Variants in DIAPH2 observed in about 807,000 individuals in gnomAD.
DIAPH2 encodes protein diaphanous homolog 2.
Under a neutral mutation model 92.7 loss-of-function variants are expected in DIAPH2, and 35 were observed. The ratio of observed to expected loss-of-function variants is 0.38; its 90% CI spans 0.29 to 0.50. The LOEUF (loss-of-function observed/expected upper bound fraction) is 0.50, where lower values mean the gene tolerates loss of function less well. DIAPH2 is among the 20% of genes least tolerant of loss of function. DIAPH2 has a pLI of 0.94. For synonymous variants in DIAPH2, 301 were observed against 280.4 expected, an observed-to-expected ratio of 1.07 and a Z score of -0.73; for missense variants, 701 against 819.5, an observed-to-expected ratio of 0.86 and a Z score of 1.77.
chrX:97,549,421 C>A (rs1173221638), intron 26 of DIAPH2, among the ~76,000 whole-genome samples: 1 of 111,554 alleles, frequency 9.0e-6, no homozygotes, highest in Non-Finnish European at 1.9e-5. Context: ...CCCAGATTCC[C>A]CAAATATTAA....
intron 23 of DIAPH2, among the ~76,000 whole-genome samples, chrX:97,332,996 A>T (rs749774131): frequency 8.9e-6 from 1 of 112,193 alleles, no homozygotes; most frequent in Non-Finnish European, 1.9e-5. Flanking sequence ...TTGTAGTAAA[A>T]TCATCCTTTA....
chrX:97,555,468 A>G, intron 26 of DIAPH2: 1 of 743,236 alleles, frequency 1.3e-6, no homozygotes, highest in Non-Finnish European at 1.6e-6. Flanking sequence ...CTAGCTGCAA[A>G]GGTGAGAGTT....
At chrX:97,539,098 T>C (rs1479175089) in intron 26 of DIAPH2, among the ~76,000 whole-genome samples, 1 of 112,111 alleles carries the variant, frequency 8.9e-6, no homozygotes, top group Non-Finnish European at 1.9e-5. Flanking sequence ...ACTGGTTTTG[T>C]AACCCGATCA....
chrX:97,430,963 A>C (rs1055633264), intron 26 of DIAPH2, among the ~76,000 whole-genome samples: 1 of 112,288 alleles, frequency 8.9e-6, no homozygotes, highest in African/African-American at 3.2e-5. Context: ...TTTTGGTTGG[A>C]GTATAAGACT....
At chrX:97,402,642 AT>A (rs1319891968) in intron 25 of DIAPH2, among the ~76,000 whole-genome samples, 5 of 111,814 alleles carry the variant, frequency 4.5e-5, no homozygotes, top group Non-Finnish European at 9.4e-5. Context: ...TTTCAATTTT[AT>A]TTTTAACAAC....
At chrX:96,949,356 A>G (rs1416638421) in intron 15 of DIAPH2, among the ~76,000 whole-genome samples, 1 of 111,026 alleles carries the variant, frequency 9.0e-6, no homozygotes, top group African/African-American at 3.3e-5. Flanking sequence ...TTCAAAAAGA[A>G]TGTAGAAATA....
intron 26 of DIAPH2, among the ~76,000 whole-genome samples, chrX:97,550,096 C>A (rs770426113): frequency 3.4e-4 from 38 of 112,584 alleles, no homozygotes; most frequent in Non-Finnish European, 5.3e-4. Context: ...CAGTGGCTCA[C>A]GCCTGTAATC....
At chrX:97,477,026 TACAC>T (rs1216092681) in intron 26 of DIAPH2, among the ~76,000 whole-genome samples, 1 of 61,439 alleles carries the variant, frequency 1.6e-5, no homozygotes, top group Non-Finnish European at 3.0e-5. Flanking sequence ...CACACACACA[TACAC>T]ACACACATCC....
chrX:97,311,718 C>G (rs2068795072), intron 23 of DIAPH2, among the ~76,000 whole-genome samples: 1 of 111,537 alleles, frequency 9.0e-6, no homozygotes, highest in South Asian at 3.8e-4. Context: ...CTTGTAGCCT[C>G]CAGCTGCATG....
intron 26 of DIAPH2, among the ~76,000 whole-genome samples, chrX:97,511,573 C>T (rs1299926444): frequency 1.8e-5 from 2 of 109,619 alleles, no homozygotes; most frequent in East Asian, 5.7e-4. Context: ...GAGAGGGCAT[C>T]CCTGTCTTGT....
At chrX:97,139,455 T>TTA (rs2067195368) in intron 21 of DIAPH2, among the ~76,000 whole-genome samples, 1 of 104,997 alleles carries the variant, frequency 9.5e-6, no homozygotes, top group Non-Finnish European at 2.0e-5. Flanking sequence ...TTTTTTTTTT[T>TTA]AAAAAAAAAC....
At chrX:96,719,403 AG>A (rs2063975755) in intron 1 of DIAPH2, among the ~76,000 whole-genome samples, 1 of 112,312 alleles carries the variant, frequency 8.9e-6, no homozygotes, top group Non-Finnish European at 1.9e-5. Context: ...TTCTTGTAAC[AG>A]TTTCATAATT....
intron 3 of DIAPH2, among the ~76,000 whole-genome samples, chrX:96,751,142 GA>G (rs1327595020): frequency 3.7e-5 from 4 of 109,426 alleles, no homozygotes; most frequent in African/African-American, 1.3e-4. Context: ...CTTCTCATTT[GA>G]TCCTATTCTT....
intron 23 of DIAPH2, among the ~76,000 whole-genome samples, chrX:97,328,897 T>C (rs1042950614): frequency 9.0e-6 from 1 of 111,727 alleles, no homozygotes; most frequent in Non-Finnish European, 1.9e-5. Flanking sequence ...CTATACATCA[T>C]TAAAAGTATT....
chrX:96,987,388 A>G (rs974211427), intron 17 of DIAPH2, among the ~76,000 whole-genome samples: 1 of 111,507 alleles, frequency 9.0e-6, no homozygotes, highest in Non-Finnish European at 1.9e-5. Flanking sequence ...GCCATACACT[A>G]CTAGTTTTTA....
chrX:97,584,906 G>A (rs1263754572), intron 26 of DIAPH2, among the ~76,000 whole-genome samples: 1 of 112,303 alleles, frequency 8.9e-6, no homozygotes, highest in Admixed American at 9.4e-5. Context: ...TCCTGAAGAC[G>A]GTACTGACTG....
At chrX:96,761,787 C>T (rs2064270933) in intron 4 of DIAPH2, among the ~76,000 whole-genome samples, 1 of 110,544 alleles carries the variant, frequency 9.0e-6, no homozygotes, top group African/African-American at 3.3e-5. Context: ...ACAAATACGA[C>T]CTCTGTCTTT....
At chrX:97,269,147 GC>G (rs1336726255) in intron 23 of DIAPH2, among the ~76,000 whole-genome samples, 1 of 111,828 alleles carries the variant, frequency 8.9e-6, no homozygotes, top group African/African-American at 3.3e-5. Context: ...GAGCCACCGT[GC>G]CCGGCCTCAG....
intron 1 of DIAPH2, among the ~76,000 whole-genome samples, chrX:96,728,364 T>C (rs1444013914): frequency 2.7e-5 from 3 of 110,299 alleles, no homozygotes; most frequent in Non-Finnish European, 3.8e-5. Context: ...TGCCCACCAC[T>C]ACACCCAGCT....
Sources: allele counts gnomAD v4.1 joint callset (sites outside exome capture counted in the v4.1 genomes callset), GRCh38; gene constraint gnomAD v4.1.1; transcripts MANE v1.5; gene names NCBI Gene and HGNC (gene_info 2026-07-23, HGNC 2026-07-21).